DCTN5: variants seen among roughly 807,000 people sequenced by gnomAD.
DCTN5 encodes dynactin subunit 5.
DCTN5 carries 14 observed loss-of-function variants against 23.5 expected under a neutral mutation model. The observed-to-expected ratio is 0.60, with a 90% confidence interval of 0.39 to 0.93. DCTN5 has a LOEUF of 0.93. DCTN5 is among the 40% of genes least tolerant of loss of function. The probability of loss-of-function intolerance (pLI) is 0.00; values close to 1 mark genes in which losing one functional copy is unlikely to be tolerated. For missense variants in DCTN5, 156 were observed against 225.9 expected, an observed-to-expected ratio of 0.69 and a Z score of 1.98; for synonymous variants, 67 against 79.6, an observed-to-expected ratio of 0.84 and a Z score of 0.84.
rs1968064872 is a variant in DCTN5, at chr16:23,674,861, C to G, written c.*7717C>G. ...GACAAGGTGTCGACAGCTTTAGATT[C>G]TTCTGAGGCCTCTCTGCTTGGCTTG... On this transcript the variant is annotated 3_prime_UTR_variant, in exon 6 of 6. Transcript: ENST00000300087. The G allele has an allele frequency of 6.6e-6, 1 of 152,134 alleles. No homozygotes were observed. Among genetic ancestry groups the G allele is most frequent in the Non-Finnish European group, 1.5e-5 (1 of 68,040 alleles). The allele number at this position is 152,134 out of a possible 1,614,324, so 9.4% of individuals were successfully genotyped here.
rs577042585 is a variant in DCTN5, at chr16:23,667,902, A to G, written c.*758A>G. On this transcript the variant is annotated 3_prime_UTR_variant, in exon 6 of 6. Coordinates refer to ENST00000300087, the MANE Select transcript of DCTN5 (RefSeq NM_032486.4). ...AGTCAGGTGGTTACTCCTTGCTTCA[A>G]GGTACTTACCTTATTTCATTGAAGA... 6.6e-6 allele frequency: 1 copy of G among 152,214 alleles called. No individual in the cohort carries two copies. The highest frequency in any genetic ancestry group is 2.4e-5 in the African/African-American group (1 of 41,434). 9.4% of individuals were successfully genotyped at this position (152,214 alleles called of 1,614,324 possible). A position where few individuals can be genotyped will look rare whatever the true frequency, so the allele number is the denominator to read the frequency against.
chr16:23,650,337 C>A (rs375728922), intron 2 of DCTN5, among the ~76,000 whole-genome samples: 15 of 152,000 alleles, frequency 9.9e-5, no homozygotes, highest in South Asian at 4.2e-4. Flanking sequence ...ATTTTATTTT[C>A]TTTTAAGATG....
At chr16:23,646,575 A>ATT (rs528216995) in intron 2 of DCTN5, among the ~76,000 whole-genome samples, 2 of 146,908 alleles carry the variant, frequency 1.4e-5, no homozygotes, top group African/African-American at 5.0e-5. Flanking sequence ...TTTTGAGTTA[A>ATT]TTTTTTTTTT....
intron 2 of DCTN5, among the ~76,000 whole-genome samples, chr16:23,648,344 CTTTTT>C (rs960786045): frequency 1.9e-5 from 2 of 105,524 alleles, no homozygotes; most frequent in Admixed American, 9.9e-5. Flanking sequence ...TTTCTTTTTT[CTTTTT>C]TTTTTTTTTT....
chr16:23,652,183 T>C (rs1346176445), intron 2 of DCTN5, among the ~76,000 whole-genome samples: 2 of 152,246 alleles, frequency 1.3e-5, no homozygotes, highest in Non-Finnish European at 2.9e-5. Flanking sequence ...TGTTTCTTTT[T>C]TGGTATTCTT....
At chr16:23,650,742 C>G in intron 2 of DCTN5, 1 of 1,533,588 alleles carries the variant, frequency 6.5e-7, no homozygotes, top group African/African-American at 1.4e-5. Context: ...ATATTTCTAT[C>G]CCTTCTCTTT....
At chr16:23,648,377 TCTCGC>T in intron 2 of DCTN5, among the ~76,000 whole-genome samples, 1 of 145,106 alleles carries the variant, frequency 6.9e-6, no homozygotes. Context: ...AGAGACACAG[TCTCGC>T]TGTGTCGCCT....
intron 3 of DCTN5, among the ~76,000 whole-genome samples, chr16:23,658,927 C>A (rs947369369): frequency 6.6e-6 from 1 of 152,178 alleles, no homozygotes; most frequent in African/African-American, 2.4e-5. Context: ...GGGACCGGAA[C>A]CTGGAATTGG....
At chr16:23,662,523 T>G (rs923917739) in intron 4 of DCTN5, among the ~76,000 whole-genome samples, 1 of 152,162 alleles carries the variant, frequency 6.6e-6, no homozygotes, top group African/African-American at 2.4e-5. Context: ...GACTAGATTC[T>G]AGGAAAAGCC....
At chr16:23,658,705 A>G (rs969872508) in intron 3 of DCTN5, 80 bp downstream of exon 3, 17 of 1,069,892 alleles carry the variant, frequency 1.6e-5, no homozygotes, top group African/African-American at 7.8e-5. Context: ...GAGTTGTGGT[A>G]TAATGACTAG....
chr16:23,665,824 A>T, intron 5 of DCTN5, 96 bp downstream of exon 5: 1 of 1,002,058 alleles, frequency 1.0e-6, no homozygotes. Context: ...ATCTCTGGCA[A>T]TATGTTGATA....
Position 23,667,331 on chromosome 16 carries a change from C to T in DCTN5, c.*187C>T. ...GCTTAAGAATTCACTAACAGACAGA[C>T]CATCTGGAGGAGCTGTCTTCAAATG... is the stretch of plus-strand genomic sequence containing the variant. On this transcript the variant is annotated 3_prime_UTR_variant, in exon 6 of 6. Coordinates refer to ENST00000300087, the MANE Select transcript of DCTN5 (RefSeq NM_032486.4). 1 of 657,498 alleles carries T rather than the reference C, an allele frequency of 1.5e-6. No individual in the cohort carries two copies. Among genetic ancestry groups the T allele is most frequent in the Non-Finnish European group, 2.6e-6 (1 of 391,046 alleles). The allele number at this position is 657,498 out of a possible 1,614,324, so 40.7% of individuals were successfully genotyped here. A position where few individuals can be genotyped will look rare whatever the true frequency, so the allele number is the denominator to read the frequency against.
At chr16:23,645,125 ATATATATATATATT>A (rs1331877052) in intron 2 of DCTN5, among the ~76,000 whole-genome samples, 29 of 31,798 alleles carry the variant, frequency 9.1e-4, no homozygotes, top group African/African-American at 4.0e-3. Flanking sequence ...ATATATATAT[ATATATATATATATT>A]TTTTTTTTTT....
chr16:23,662,376 T>C (rs1181210754), intron 4 of DCTN5, among the ~76,000 whole-genome samples: 1 of 152,222 alleles, frequency 6.6e-6, no homozygotes, highest in African/African-American at 2.4e-5. Flanking sequence ...AGCCTAGGAA[T>C]AGGTTGATTT....
rs567084701 is a variant in DCTN5, at chr16:23,674,804, T to C, written c.*7660T>C. On this transcript the variant is annotated 3_prime_UTR_variant, in exon 6 of 6. Coordinates refer to ENST00000300087, the MANE Select transcript of DCTN5 (RefSeq NM_032486.4). ...GAGTGACTTACACAATAGAAACTTA[T>C]TTTCCTGCAGTTCTGGAGGCTGAAA... 4.6e-5 allele frequency: 7 copies of C among 152,218 alleles called. No individual in the cohort carries two copies. The highest frequency in any genetic ancestry group is 6.5e-5 in the Admixed American group (1 of 15,276). 9.4% of individuals were successfully genotyped at this position (152,218 alleles called of 1,614,324 possible).
At chr16:23,664,094 T>A (rs910388524) in intron 4 of DCTN5, among the ~76,000 whole-genome samples, 3 of 152,242 alleles carry the variant, frequency 2.0e-5, no homozygotes, top group African/African-American at 4.8e-5. Flanking sequence ...ATGACAGGAA[T>A]TCTTAGGGTT....
chr16:23,658,532 TC>T lies in DCTN5; in HGVS notation c.145del (p.Arg49GlufsTer7), dbSNP rs1967753564. 1 of 1,614,082 alleles carries T rather than the reference TC, an allele frequency of 6.2e-7. No homozygotes were observed. The highest frequency in any genetic ancestry group is 8.5e-7 in the Non-Finnish European group (1 of 1,180,028). On this transcript the variant is annotated frameshift_variant, in exon 3 of 6. Coordinates refer to ENST00000300087, the MANE Select transcript of DCTN5 (RefSeq NM_032486.4). LOFTEE classifies it high-confidence loss of function. The stretch of plus-strand genomic sequence containing the variant: ...ACCATTGTGATGAATGACTGTATTA[TC>T]CGAGGGGATCTGGCAAATGTAAGAG... Reference protein sequence around the residue: ...GKTIVMNDCIIRGDLANVRVG... With the variant: ...GKTIVMNDCIXRGDLANVRVG...
At chr16:23,642,648 A>C in intron 1 of DCTN5, 1 of 240,564 alleles carries the variant, frequency 4.2e-6, no homozygotes. Flanking sequence ...ATGCCCGGCT[A>C]ATTAAAAAAT....
chr16:23,666,883 A>T, intron 5 of DCTN5, 164 bp from the exon 6 acceptor site: 2 of 1,112,874 alleles, frequency 1.8e-6, no homozygotes, highest in Non-Finnish European at 1.2e-6. Flanking sequence ...GCTGTGAAAA[A>T]GTTTAGCTGT....
Sources: gnomAD v4.1 joint callset for allele counts (sites outside exome capture counted in the v4.1 genomes callset) on GRCh38, gnomAD v4.1.1 for gene constraint, MANE v1.5 for transcripts, NCBI Gene and HGNC (gene_info 2026-07-23, HGNC 2026-07-21) for gene names.